KCNH1: variants seen among roughly 807,000 people sequenced by gnomAD.
KCNH1 encodes potassium voltage-gated channel subfamily H member 1.
KCNH1 carries 27 observed loss-of-function variants against 69.2 expected under a neutral mutation model. The ratio of observed to expected loss-of-function variants is 0.39; its 90% CI spans 0.29 to 0.54. KCNH1 has a LOEUF of 0.54. Ranked by LOEUF, KCNH1 falls within the 20% of genes least tolerant of loss-of-function variation. KCNH1 has a pLI of 0.68. For synonymous variants in KCNH1, 456 were observed against 487.7 expected (o/e 0.93, Z 0.86); for missense variants, 798 against 1,261.6 (o/e 0.63, Z 5.57).
intron 3 of KCNH1, among the ~76,000 whole-genome samples, chr1:211,096,290 C>T (rs1691152398): frequency 6.6e-6 from 1 of 152,132 alleles, no homozygotes; most frequent in African/African-American, 2.4e-5. Context: ...TCTTGAACTC[C>T]TGACCTCAGG....
chr1:210,825,589 T>C (rs140324747), intron 7 of KCNH1, among the ~76,000 whole-genome samples: 158 of 152,312 alleles, frequency 1.0e-3, no homozygotes, highest in African/African-American at 3.8e-3. Flanking sequence ...TCATGAAGTG[T>C]CTGAAAAGGC....
intron 2 of KCNH1, 74 bp from the exon 3 acceptor site, chr1:211,103,676 T>C: frequency 1.0e-6 from 1 of 974,982 alleles, no homozygotes; most frequent in Non-Finnish European, 1.6e-6. Flanking sequence ...AAATATCTGT[T>C]CTATATTCAG....
At chr1:210,997,096 G>A (rs181228318) in intron 6 of KCNH1, among the ~76,000 whole-genome samples, 3 of 152,184 alleles carry the variant, frequency 2.0e-5, no homozygotes, top group Non-Finnish European at 2.9e-5. Context: ...ACTCTAAAAA[G>A]CAGAGTGCCT....
At chr1:210,693,471 G>A (rs1021784820) in intron 10 of KCNH1, among the ~76,000 whole-genome samples, 15 of 152,322 alleles carry the variant, frequency 9.8e-5, no homozygotes, top group African/African-American at 3.4e-4. Flanking sequence ...CCAAAGAGAG[G>A]CCAGGTAGAA....
At chr1:211,045,830 T>G (rs892152657) in intron 5 of KCNH1, among the ~76,000 whole-genome samples, 2 of 152,206 alleles carry the variant, frequency 1.3e-5, no homozygotes, top group African/African-American at 4.8e-5. Flanking sequence ...TTGACTAATA[T>G]CTCCCTGTTT....
intron 10 of KCNH1, among the ~76,000 whole-genome samples, chr1:210,710,349 AGACTAT>A (rs1192031369): frequency 6.6e-6 from 1 of 151,766 alleles, no homozygotes; most frequent in Non-Finnish European, 1.5e-5. Context: ...ACACTACTAT[AGACTAT>A]AAACAGTATA....
rs539913546 is a variant in KCNH1 at position 210,788,254 on chromosome 1, G to T, written c.1915+9254C>A. Among the ~76,000 whole-genome samples the T allele has an allele frequency of 1.8e-4, 28 of 152,224 alleles. 1 individual carries two copies. The South Asian group carries it at 5.4e-3, about 29-fold the overall frequency. ...CCAGAAAACTTCAGTTAACATTTTG[G>T]TATACTTTCCATCTTTCTTTTACTC... On this transcript the variant is annotated intron_variant, in intron 9 of 10. Transcript: ENST00000271751.
At chr1:211,102,746 AC>A (rs1691280713) in intron 3 of KCNH1, among the ~76,000 whole-genome samples, 1 of 152,190 alleles carries the variant, frequency 6.6e-6, no homozygotes, top group Non-Finnish European at 1.5e-5. Flanking sequence ...CATAAGGACC[AC>A]CCCGGAGTTG....
At chr1:210,732,323 A>C (rs915627086) in intron 10 of KCNH1, among the ~76,000 whole-genome samples, 99 of 152,174 alleles carry the variant, frequency 6.5e-4, no homozygotes, top group African/African-American at 2.3e-3. Flanking sequence ...GATCATGAGC[A>C]AAAGGCTGGT....
At position 210,842,024 on chromosome 1, in the gene KCNH1, G is replaced by A. The variant is rs1414538434; in HGVS notation, c.1463-37858C>T. ...AAATTTCCCCAAATGAATACCCATT[G>A]AGTGCTCTCATTCCACTTACTGTAG... On this transcript the variant is annotated intron_variant, in intron 7 of 10. Coordinates refer to ENST00000271751, the MANE Select transcript of KCNH1 (RefSeq NM_172362.3). Among the ~76,000 whole-genome samples, 9 of 152,194 alleles carry A rather than the reference G, an allele frequency of 5.9e-5. No individual in the cohort carries two copies. In the East Asian group the frequency reaches 7.7e-4, roughly 13 times the overall value.
chr1:210,740,732 T>TTTTTTTA (rs749631249), intron 10 of KCNH1, among the ~76,000 whole-genome samples: 1 of 131,860 alleles, frequency 7.6e-6, no homozygotes, highest in African/African-American at 3.0e-5. Context: ...TTTTTTTTTT[T>TTTTTTTA]ACTAAAAGAA....
intron 5 of KCNH1, among the ~76,000 whole-genome samples, chr1:211,050,987 G>GTTTTGTTGT (rs1291050745): frequency 2.1e-3 from 61 of 29,200 alleles, no homozygotes; most frequent in African/African-American, 0.011. Flanking sequence ...TAATATTTTT[G>GTTTTGTTGT]TTTTGTTGTT....
intron 10 of KCNH1, among the ~76,000 whole-genome samples, chr1:210,700,381 C>A (rs1181176913): frequency 6.6e-6 from 1 of 152,126 alleles, no homozygotes; most frequent in Non-Finnish European, 1.5e-5. Context: ...TCATCTGGGC[C>A]CCTCTAGCCA....
intron 10 of KCNH1, among the ~76,000 whole-genome samples, chr1:210,740,134 G>A (rs180821146): frequency 1.3e-5 from 2 of 152,146 alleles, no homozygotes; most frequent in Non-Finnish European, 2.9e-5. Flanking sequence ...GGATATGCTA[G>A]ATAGAAGGAT....
chr1:210,796,446 C>T (rs2102399032), intron 9 of KCNH1, among the ~76,000 whole-genome samples: 1 of 152,258 alleles, frequency 6.6e-6, no homozygotes, highest in East Asian at 1.9e-4. Flanking sequence ...TGGCTTGCCC[C>T]TTTAAAGATA....
chr1:211,075,594 TA>T (rs1168849055), intron 5 of KCNH1, among the ~76,000 whole-genome samples: 3 of 152,066 alleles, frequency 2.0e-5, no homozygotes, highest in Non-Finnish European at 2.9e-5. Flanking sequence ...GTTGAAAAAA[TA>T]AAGAACAGGA....
chr1:210,806,503 T>C (rs1019001416), intron 7 of KCNH1, among the ~76,000 whole-genome samples: 4 of 152,012 alleles, frequency 2.6e-5, no homozygotes, highest in Admixed American at 2.6e-4. Context: ...TGGGTTGTGG[T>C]ATCATTTTTG....
At chr1:210,882,940 A>G (rs1488332266) in intron 7 of KCNH1, among the ~76,000 whole-genome samples, 1 of 152,184 alleles carries the variant, frequency 6.6e-6, no homozygotes, top group Non-Finnish European at 1.5e-5. Flanking sequence ...AAAAACATAA[A>G]AACTGTGAAA....
At chr1:210,817,079 C>T (rs1024139560) in intron 7 of KCNH1, among the ~76,000 whole-genome samples, 3 of 152,158 alleles carry the variant, frequency 2.0e-5, no homozygotes, top group Admixed American at 1.3e-4. Context: ...TTATCAAAGG[C>T]AGAATTGGAA....
Sources: allele counts gnomAD v4.1 joint callset (sites outside exome capture counted in the v4.1 genomes callset), GRCh38; gene constraint gnomAD v4.1.1; transcripts MANE v1.5; gene names NCBI Gene and HGNC (gene_info 2026-07-23, HGNC 2026-07-21).